Variants in PSMA1 observed in about 807,000 individuals in gnomAD.
PSMA1 encodes the protein proteasome subunit alpha type-1.
PSMA1 carries 3 observed loss-of-function variants against 38.4 expected under a neutral mutation model. That is an observed-to-expected ratio of 0.08 (90% confidence interval 0.04 to 0.20). The LOEUF (loss-of-function observed/expected upper bound fraction) is 0.20. Ranked by LOEUF, PSMA1 falls within the 10% of genes least tolerant of loss-of-function variation. The pLI, the probability that PSMA1 is intolerant of heterozygous loss-of-function variation, is 1.00. For missense variants in PSMA1, 227 were observed against 325.3 expected, an observed-to-expected ratio of 0.70 and a Z score of 2.32; for synonymous variants, 101 against 107.1, an observed-to-expected ratio of 0.94 and a Z score of 0.35.
intron 7 of PSMA1, among the ~76,000 whole-genome samples, chr11:14,512,547 T>C (rs540693592): frequency 7.9e-5 from 12 of 152,302 alleles, no homozygotes; most frequent in African/African-American, 2.4e-4. Flanking sequence ...AGGGTGCTGA[T>C]ATGAGCAGTT....
At chr11:14,533,975 G>T (rs1851676555) in intron 2 of PSMA1, among the ~76,000 whole-genome samples, 1 of 152,084 alleles carries the variant, frequency 6.6e-6, no homozygotes, top group African/African-American at 2.4e-5. Context: ...GAGGTCAGGA[G>T]TTTGAGACCA....
At chr11:14,540,428 C>G (rs558912360) in intron 2 of PSMA1, among the ~76,000 whole-genome samples, 1 of 152,104 alleles carries the variant, frequency 6.6e-6, no homozygotes, top group Non-Finnish European at 1.5e-5. Context: ...TATGGTTCAG[C>G]GCACACTTCC....
At chr11:14,591,766 T>C (rs1263132949) in intron 2 of PSMA1, among the ~76,000 whole-genome samples, 2 of 152,068 alleles carry the variant, frequency 1.3e-5, no homozygotes, top group East Asian at 1.9e-4. Context: ...AGCGCCCTGT[T>C]AAAACAGGCC....
intron 2 of PSMA1, among the ~76,000 whole-genome samples, chr11:14,591,232 G>C (rs1852410295): frequency 6.6e-6 from 1 of 152,218 alleles, no homozygotes; most frequent in South Asian, 2.1e-4. Context: ...GTGTACTCTG[G>C]GTCCCCCAGC....
chr11:14,621,831 CT>C (rs1468224066), intron 1 of PSMA1, among the ~76,000 whole-genome samples: 3 of 152,154 alleles, frequency 2.0e-5, no homozygotes, highest in African/African-American at 7.2e-5. Context: ...ATGTCAATCT[CT>C]CTATCATATC....
chr11:14,599,796 G>A (rs1359104428), intron 2 of PSMA1, among the ~76,000 whole-genome samples: 1 of 152,208 alleles, frequency 6.6e-6, no homozygotes, highest in African/African-American at 2.4e-5. Context: ...GCTAGGAGCT[G>A]TGTTCCTTTG....
chr11:14,597,205 C>CT (rs893015702), intron 2 of PSMA1, among the ~76,000 whole-genome samples: 6 of 151,984 alleles, frequency 3.9e-5, no homozygotes, highest in African/African-American at 9.7e-5. Context: ...TCTAAAATTA[C>CT]TTTTTTTGTT....
chr11:14,510,087 C>T (rs185625129), intron 8 of PSMA1, among the ~76,000 whole-genome samples: 88 of 152,250 alleles, frequency 5.8e-4, no homozygotes, highest in Non-Finnish European at 1.1e-3. Flanking sequence ...TCATGGTATT[C>T]CTCTGCTCAA....
intron 8 of PSMA1, among the ~76,000 whole-genome samples, chr11:14,508,545 A>G (rs1851284196): frequency 8.8e-6 from 1 of 113,574 alleles, no homozygotes; most frequent in African/African-American, 3.5e-5. Flanking sequence ...CTCCTCTTCC[A>G]GTCACCACTC....
At chr11:14,607,144 G>A (rs1343134395) in intron 2 of PSMA1, among the ~76,000 whole-genome samples, 5 of 152,234 alleles carry the variant, frequency 3.3e-5, no homozygotes, top group Non-Finnish European at 7.3e-5. Context: ...AGGAGTGAGA[G>A]AGGTTGGCAG....
At chr11:14,614,612 C>T (rs752127554) in intron 1 of PSMA1, among the ~76,000 whole-genome samples, 18 of 152,152 alleles carry the variant, frequency 1.2e-4, no homozygotes, top group Non-Finnish European at 2.6e-4. Flanking sequence ...ATTAATAGTA[C>T]CACCATCGAT....
chr11:14,591,692 A>G (rs1565052609), intron 2 of PSMA1, among the ~76,000 whole-genome samples: 1 of 152,076 alleles, frequency 6.6e-6, no homozygotes, highest in Non-Finnish European at 1.5e-5. Flanking sequence ...CTCTGTATCT[A>G]ACTAATCTGA....
intron 9 of PSMA1, among the ~76,000 whole-genome samples, chr11:14,505,588 C>CTT (rs11414969): frequency 3.3e-5 from 5 of 150,884 alleles, no homozygotes; most frequent in South Asian, 2.1e-4. Flanking sequence ...TAGGGTGAAG[C>CTT]TTTTTTTTGT....
chr11:14,592,396 T>TATA (rs1565052920), intron 2 of PSMA1, among the ~76,000 whole-genome samples: 163 of 127,624 alleles, frequency 1.3e-3, no homozygotes, highest in South Asian at 3.2e-3. Context: ...ATATATATAT[T>TATA]TTTTTTTTAG....
At chr11:14,523,935 T>C (rs1589982570), upstream of PSMA1, among the ~76,000 whole-genome samples, 1 of 151,454 alleles carries the variant, frequency 6.6e-6, no homozygotes, top group Non-Finnish European at 1.5e-5. Context: ...TCAATAAAGA[T>C]ATTTTGTAGG....
At chr11:14,526,044 G>A (rs1228528231) in intron 2 of PSMA1, among the ~76,000 whole-genome samples, 6 of 151,950 alleles carry the variant, frequency 3.9e-5, no homozygotes, top group Non-Finnish European at 8.8e-5. Flanking sequence ...TTCTCCATCC[G>A]TTACCTACCT....
chr11:14,518,632 T>A (rs2134150704), intron 2 of PSMA1, among the ~76,000 whole-genome samples: 1 of 152,314 alleles, frequency 6.6e-6, no homozygotes, highest in South Asian at 2.1e-4. Context: ...GTACATTAGA[T>A]CTTTCCACTT....
chr11:14,513,789 A>T, intron 6 of PSMA1, 28 bp downstream of exon 6: 2 of 1,554,436 alleles, frequency 1.3e-6, no homozygotes, highest in Non-Finnish European at 1.7e-6. Context: ...AAAAATCATT[A>T]ACATATAACA....
At chr11:14,625,637 G>A (rs568623256) in intron 1 of PSMA1, among the ~76,000 whole-genome samples, 1 of 152,326 alleles carries the variant, frequency 6.6e-6, no homozygotes, top group South Asian at 2.1e-4. Flanking sequence ...TTTAATAGGA[G>A]ACTTTGGCTT....
Sources: gnomAD v4.1 joint callset for allele counts (sites outside exome capture counted in the v4.1 genomes callset) on GRCh38, gnomAD v4.1.1 for gene constraint, MANE v1.5 for transcripts, NCBI Gene and HGNC (gene_info 2026-07-23, HGNC 2026-07-21) for gene names.